Variants in EFCAB13 observed in about 807,000 individuals in gnomAD.
The protein encoded by EFCAB13 is EF-hand calcium-binding domain-containing protein 13.
A neutral mutation model predicts 110.2 loss-of-function variants in EFCAB13; 91 were observed. The ratio of observed to expected loss-of-function variants is 0.83; its 90% CI spans 0.70 to 0.98. The LOEUF is 0.98. Ranked by LOEUF, EFCAB13 falls within the 50% of genes least tolerant of loss-of-function variation. The probability of loss-of-function intolerance (pLI) is 0.00; values close to 1 mark genes in which losing one functional copy is unlikely to be tolerated. For synonymous variants in EFCAB13, 323 were observed against 369.9 expected (o/e 0.87, Z 1.45); for missense variants, 968 against 1,119.4 (o/e 0.86, Z 1.93).
intron 5 of EFCAB13, chr17:47,341,469 G>A (rs982415288): frequency 6.6e-6 from 1 of 152,428 alleles, no homozygotes; most frequent in Non-Finnish European, 1.5e-5. Context: ...GCGATTTTAT[G>A]CCTCAGCCTC....
chr17:47,430,765 C>A lies in EFCAB13; in HGVS notation c.2638+804C>A, dbSNP rs1044925844. On this transcript the variant is annotated intron_variant, in intron 24 of 24. Transcript: ENST00000331493. ...TCTCAAAATTAGTGGATTGTAGCTT[C>A]TTTTTTTTACTCTCGATTGAACTCC... The A allele has an allele frequency of 2.6e-5, 4 of 151,876 alleles. No individual in the cohort carries two copies. In the East Asian group the frequency reaches 7.7e-4, roughly 29 times the overall value. The allele number at this position is 151,876 out of a possible 1,614,324, so 9.4% of individuals were successfully genotyped here. A position where few individuals can be genotyped will look rare whatever the true frequency, so the allele number is the denominator to read the frequency against.
At chr17:47,437,595 T>A (rs987863415) in intron 24 of EFCAB13, among the ~76,000 whole-genome samples, 10 of 152,212 alleles carry the variant, frequency 6.6e-5, no homozygotes, top group Admixed American at 2.6e-4. Context: ...TCACTTTTGG[T>A]GTCCATTTGC....
chr17:47,329,537 C>T (rs899978010), intron 4 of EFCAB13, among the ~76,000 whole-genome samples: 1 of 151,904 alleles, frequency 6.6e-6, no homozygotes, highest in East Asian at 1.9e-4. Flanking sequence ...CCTTTTTATA[C>T]CTACTACTTT....
Position 47,440,846 on chromosome 17 carries a change from G to A in EFCAB13, c.*132G>A, listed in dbSNP as rs564893179. On this transcript the variant is annotated 3_prime_UTR_variant, in exon 25 of 25. Coordinates refer to ENST00000331493, the MANE Select transcript of EFCAB13 (RefSeq NM_152347.5). The stretch of plus-strand genomic sequence containing the variant: ...TCCAGTAGAATTTTTATCACTATCT[G>A]TTATGTTCTCATGTATCTTCAGCGA... 7.2e-6 allele frequency: 5 copies of A among 697,794 alleles called. No homozygotes were observed. The South Asian group carries it at 1.1e-4, about 15-fold the overall frequency. The allele number at this position is 697,794 out of a possible 1,614,324, so 43.2% of individuals were successfully genotyped here.
intron 4 of EFCAB13, among the ~76,000 whole-genome samples, chr17:47,332,592 G>A (rs2143225381): frequency 6.7e-6 from 1 of 148,534 alleles, no homozygotes; most frequent in East Asian, 2.0e-4. Context: ...CCCAGCCTCT[G>A]ATAACCATCT....
chr17:47,395,493 G>C (rs906513990), intron 16 of EFCAB13, among the ~76,000 whole-genome samples: 7 of 152,114 alleles, frequency 4.6e-5, no homozygotes, highest in African/African-American at 1.7e-4. Context: ...TTTAGGGAGA[G>C]ATATAGAACA....
At chr17:47,405,079 G>A (rs1229024609) in intron 20 of EFCAB13, among the ~76,000 whole-genome samples, 1 of 152,004 alleles carries the variant, frequency 6.6e-6, no homozygotes, top group Non-Finnish European at 1.5e-5. Flanking sequence ...CACAACTTGA[G>A]TGCAATATAT....
intron 7 of EFCAB13, 130 bp downstream of exon 7, chr17:47,344,422 T>A (rs2065403789): frequency 1.7e-6 from 2 of 1,171,312 alleles, no homozygotes; most frequent in Admixed American, 4.8e-5. Flanking sequence ...TAGGATTGTG[T>A]AGAGATAAGA....
intron 10 of EFCAB13, among the ~76,000 whole-genome samples, chr17:47,363,211 T>C (rs139152711): frequency 4.6e-5 from 7 of 152,280 alleles, no homozygotes; most frequent in Non-Finnish European, 7.4e-5. Context: ...GCTAGGACTA[T>C]AGGTGTGCAC....
At chr17:47,432,152 A>T (rs1277597687) in intron 24 of EFCAB13, among the ~76,000 whole-genome samples, 1 of 152,114 alleles carries the variant, frequency 6.6e-6, no homozygotes, top group Non-Finnish European at 1.5e-5. Flanking sequence ...CTGTAATCCC[A>T]GCACTTTGGG....
chr17:47,435,719 C>T (rs1053780157), intron 24 of EFCAB13, among the ~76,000 whole-genome samples: 6 of 87,828 alleles, frequency 6.8e-5, no homozygotes, highest in African/African-American at 1.5e-4. Flanking sequence ...TTGAGGTAAA[C>T]AATCATCATC....
At chr17:47,350,622 T>G (rs1217172883) in intron 9 of EFCAB13, among the ~76,000 whole-genome samples, 1 of 152,058 alleles carries the variant, frequency 6.6e-6, no homozygotes, top group African/African-American at 2.4e-5. Flanking sequence ...TGTTGAAATC[T>G]CTCATCTGTT....
intron 6 of EFCAB13, among the ~76,000 whole-genome samples, chr17:47,342,256 C>G (rs1425425675): frequency 6.6e-6 from 1 of 150,968 alleles, no homozygotes; most frequent in East Asian, 1.9e-4. Context: ...TGTGTTTTTT[C>G]CCTATTAAAC....
intron 21 of EFCAB13, among the ~76,000 whole-genome samples, chr17:47,411,235 C>T (rs990256470): frequency 4.6e-5 from 7 of 152,208 alleles, no homozygotes; most frequent in Non-Finnish European, 8.8e-5. Context: ...CACCGTTTAT[C>T]ATTTCTGCAT....
At chr17:47,336,455 C>G (rs2143238441) in intron 5 of EFCAB13, among the ~76,000 whole-genome samples, 1 of 152,184 alleles carries the variant, frequency 6.6e-6, no homozygotes, top group East Asian at 1.9e-4. Context: ...CCATGCATGG[C>G]TAATTTTTTG....
At chr17:47,391,849 A>G (rs2065710041) in intron 15 of EFCAB13, among the ~76,000 whole-genome samples, 2 of 152,166 alleles carry the variant, frequency 1.3e-5, no homozygotes, top group Admixed American at 1.3e-4. Flanking sequence ...TTCCTAGGCA[A>G]AAATGCAGAC....
At chr17:47,387,483 C>A (rs190080617) in intron 14 of EFCAB13, among the ~76,000 whole-genome samples, 1 of 152,266 alleles carries the variant, frequency 6.6e-6, no homozygotes, top group African/African-American at 2.4e-5. Context: ...ATATTTGGGT[C>A]CTCTGTTGTT....
At chr17:47,347,334 T>C (rs1367139670) in intron 8 of EFCAB13, among the ~76,000 whole-genome samples, 1 of 152,140 alleles carries the variant, frequency 6.6e-6, no homozygotes, top group Non-Finnish European at 1.5e-5. Flanking sequence ...GAAAATAAAG[T>C]GTAGTATCCA....
At chr17:47,429,144 GGAA>G (rs1160245458) in intron 23 of EFCAB13, among the ~76,000 whole-genome samples, 1 of 151,978 alleles carries the variant, frequency 6.6e-6, no homozygotes, top group African/African-American at 2.4e-5. Flanking sequence ...ACTAAGAACT[GGAA>G]GAAGAAGCTA....
Sources: gnomAD v4.1 joint callset for allele counts (sites outside exome capture counted in the v4.1 genomes callset) on GRCh38, gnomAD v4.1.1 for gene constraint, MANE v1.5 for transcripts, NCBI Gene and HGNC (gene_info 2026-07-23, HGNC 2026-07-21) for gene names.